Variants in IRF4 observed in about 807,000 individuals in gnomAD.
IRF4 encodes lymphocyte-specific interferon regulatory factor.
In IRF4, 13 loss-of-function variants were observed where a neutral mutation model predicts 55.5. The ratio of observed to expected loss-of-function variants is 0.23; its 90% CI spans 0.15 to 0.37. The LOEUF is 0.37. Ranked by LOEUF, IRF4 falls within the 10% of genes least tolerant of loss-of-function variation. IRF4 has a pLI of 1.00. For missense variants in IRF4, 397 were observed against 593.8 expected, an observed-to-expected ratio of 0.67 and a Z score of 3.44; for synonymous variants, 249 against 240.7, an observed-to-expected ratio of 1.03 and a Z score of -0.32.
chr6:394,778 A>G (rs1312203768), intron 2 of IRF4, 43 bp from the exon 3 acceptor site: 1 of 1,562,354 alleles, frequency 6.4e-7, no homozygotes, highest in African/African-American at 1.4e-5. Context: ...AATAAACCAG[A>G]CATGTATTTT....
rs190275816 is a variant in IRF4, at chr6:410,652, C to T, written c.*3054C>T. 20 of 231,428 alleles carry T rather than the reference C, an allele frequency of 8.6e-5. No individual in the cohort carries two copies. The highest frequency in any genetic ancestry group is 5.5e-4 in the East Asian group (9 of 16,502). 14.3% of individuals were successfully genotyped at this position (231,428 alleles called of 1,614,324 possible). A position where few individuals can be genotyped will look rare whatever the true frequency, so the allele number is the denominator to read the frequency against. ...GCACCTCTTGGCTTTGTTGATGCTC[C>T]GCCAGGAAGGCCACTTGTGTGTGCG... On this transcript the variant is annotated 3_prime_UTR_variant, in exon 9 of 9. Coordinates refer to ENST00000380956, the MANE Select transcript of IRF4 (RefSeq NM_002460.4).
At chr6:394,704 AT>A (rs1761208486) in intron 2 of IRF4, 116 bp from the exon 3 acceptor site, 3 of 938,926 alleles carry the variant, frequency 3.2e-6, no homozygotes, top group Non-Finnish European at 4.8e-6. Flanking sequence ...GCGGTGAGCT[AT>A]CATCGTGCCA....
intron 8 of IRF4, chr6:406,864 A>T (rs1761559929): frequency 9.2e-7 from 1 of 1,087,650 alleles, no homozygotes; most frequent in Non-Finnish European, 1.1e-6. Flanking sequence ...CTGTAAATTC[A>T]GGAAAAGCTG....
chr6:392,069 C>A (rs1474064893), intron 1 of IRF4, among the ~76,000 whole-genome samples: 1 of 152,148 alleles, frequency 6.6e-6, no homozygotes, highest in African/African-American at 2.4e-5. Flanking sequence ...ACGGGGTCGC[C>A]ACAAGCTGGA....
At chr6:402,947 G>A (rs745923157) in intron 7 of IRF4, among the ~76,000 whole-genome samples, 1 of 152,200 alleles carries the variant, frequency 6.6e-6, no homozygotes, top group East Asian at 1.9e-4. Context: ...CACAAGAATC[G>A]CTTGAACCTG....
Position 399,507 on chromosome 6 carries a change from A to AG in IRF4, c.745+572_745+573insG, listed in dbSNP as rs1403349832. 1.6e-4 allele frequency among the ~76,000 whole-genome samples: 25 copies of AG among 151,864 alleles called. 2 individuals are homozygous for AG. The highest frequency in any genetic ancestry group is 1.2e-3 in the Admixed American group (18 of 15,226). ...GATTTTTAAAGTTTTATTTCTAAAAAAAAAAAAAAAATCCCTGCACCATGG... is the reference window on the plus strand; with the variant it reads ...GATTTTTAAAGTTTTATTTCTAAAAAGAAAAAAAAAAATCCCTGCACCATGG... On this transcript the variant is annotated intron_variant, in intron 6 of 8. Transcript: ENST00000380956.
rs751847184 is a variant in IRF4, at chr6:393,420, G to C, written c.216+52G>C. The C allele has an allele frequency of 5.0e-6, 6 of 1,208,504 alleles. No homozygotes were observed. Among genetic ancestry groups the C allele is most frequent in the Non-Finnish European group, 6.6e-6 (6 of 904,084 alleles). The allele number at this position is 1,208,504 out of a possible 1,614,324, so 74.9% of individuals were successfully genotyped here. A position where few individuals can be genotyped will look rare whatever the true frequency, so the allele number is the denominator to read the frequency against. ...GCGCGCCGGGGAGGGCCCAGAGACA[G>C]AGCCCGGGGTCCCCGGCGCCGCCTC... On this transcript the variant is annotated intron_variant, in intron 2 of 8. Transcript: ENST00000380956. This position sits in a 1 kb window ranked among gnomAD's most constrained non-coding sequence, Gnocchi z 5.4.
At position 401,221 on chromosome 6, in the gene IRF4, C is replaced by T. The variant is rs146108990; in HGVS notation, c.746-203C>T. On this transcript the variant is annotated intron_variant, in intron 6 of 8. Transcript: ENST00000380956. ...CCACGGGACTTCTCCAAGTGTTGAC[C>T]GAGCTCATGCTGTCTGTGGATCTCT... is the stretch of plus-strand genomic sequence containing the variant. Among the ~76,000 whole-genome samples, 142 of 152,300 alleles carry T rather than the reference C, an allele frequency of 9.3e-4. 2 individuals carry two copies. Among genetic ancestry groups the T allele is most frequent in the African/African-American group, 3.3e-3 (138 of 41,554 alleles).
Position 407,683 on chromosome 6 carries a change from G to C in IRF4, c.*85G>C, listed in dbSNP as rs1190006751. 3.1e-6 allele frequency: 4 copies of C among 1,270,396 alleles called. No individual in the cohort carries two copies. In the African/African-American group the frequency reaches 4.8e-5, roughly 15 times the overall value. 78.7% of individuals were successfully genotyped at this position (1,270,396 alleles called of 1,614,324 possible). On this transcript the variant is annotated 3_prime_UTR_variant, in exon 9 of 9. Coordinates refer to ENST00000380956, the MANE Select transcript of IRF4 (RefSeq NM_002460.4). ...ATACGGGGTCTTGCTCTGTCTCCCA[G>C]GCTGGAGTGCAGTGACACAATCTCA... is the stretch of plus-strand genomic sequence containing the variant.
chr6:406,389 A>G (rs967700050), intron 8 of IRF4, among the ~76,000 whole-genome samples: 4 of 152,090 alleles, frequency 2.6e-5, no homozygotes, highest in African/African-American at 9.7e-5. Context: ...TAAAAATACA[A>G]AAATTAGCCG....
chr6:397,355 CCTT>C, intron 5 of IRF4, 103 bp downstream of exon 5: 2 of 1,397,678 alleles, frequency 1.4e-6, no homozygotes, highest in Non-Finnish European at 2.0e-6. Flanking sequence ...AGCTCTTTCC[CCTT>C]CTTAGAGGCT....
At chr6:406,282 G>A (rs952869374) in intron 8 of IRF4, among the ~76,000 whole-genome samples, 1 of 152,186 alleles carries the variant, frequency 6.6e-6, no homozygotes, top group Non-Finnish European at 1.5e-5. Flanking sequence ...AGTGGCTCAC[G>A]CCTGTAATCC....
intron 7 of IRF4, 106 bp downstream of exon 7, chr6:401,883 G>A: frequency 1.0e-6 from 1 of 965,362 alleles, no homozygotes; most frequent in South Asian, 1.6e-5. Flanking sequence ...TCTTCCTCCT[G>A]TTGACTTCGG....
At chr6:395,735 G>A (rs1581223052) in intron 3 of IRF4, 112 bp from the exon 4 acceptor site, 5 of 775,556 alleles carry the variant, frequency 6.4e-6, no homozygotes, top group East Asian at 5.4e-5. Context: ...TGTCAACACC[G>A]TGTTATGCAT....
In IRF4 at chr6:394,866, C is replaced by G. The variant is rs144593192; in HGVS notation, c.262C>G (p.Pro88Ala). The G allele has an allele frequency of 7.4e-5, 119 of 1,614,086 alleles. No homozygotes were observed. The highest frequency in any genetic ancestry group is 9.7e-5 in the Non-Finnish European group (115 of 1,180,018). Residue 88 changes from proline (P) to alanine (A), a missense_variant, in exon 3 of 9, where the codon CCG becomes GCG. Physicochemically the swap from Pro to Ala is conservative, Grantham distance 27 (BLOSUM62 -1). Transcript: ENST00000380956. ...KGKFREGIDK[P>A]DPPTWKTRLR... ...AAAGTTCCGAGAAGGCATCGACAAG[C>G]CGGACCCTCCCACCTGGAAGACGCG...
intron 7 of IRF4, among the ~76,000 whole-genome samples, chr6:403,444 C>A (rs996238004): frequency 6.6e-6 from 1 of 152,234 alleles, no homozygotes; most frequent in African/African-American, 2.4e-5. Context: ...AAGGAACTGG[C>A]ACTGGCTTTT....
intron 2 of IRF4, among the ~76,000 whole-genome samples, chr6:394,378 G>T (rs907943665): frequency 1.3e-5 from 2 of 152,206 alleles, no homozygotes; most frequent in African/African-American, 2.4e-5. Flanking sequence ...CATAGCTGGG[G>T]TCTTTCAGTT....
rs1761626979 is a variant in IRF4, at chr6:409,133, A to T, written c.*1535A>T. ...CCTGCTTTTCTAATGGATATTTTAAATTCATTCAACAAGCACCTAGTAAGT... is the reference window on the plus strand; with the variant it reads ...CCTGCTTTTCTAATGGATATTTTAATTTCATTCAACAAGCACCTAGTAAGT... On this transcript the variant is annotated 3_prime_UTR_variant, in exon 9 of 9. Coordinates refer to ENST00000380956, the MANE Select transcript of IRF4 (RefSeq NM_002460.4). The T allele has an allele frequency of 4.7e-6, 1 of 212,560 alleles. No individual in the cohort carries two copies. The highest frequency in any genetic ancestry group is 5.9e-5 in the Admixed American group (1 of 17,032). 13.2% of individuals were successfully genotyped at this position (212,560 alleles called of 1,614,324 possible).
At chr6:401,290 C>T (rs575949653) in intron 6 of IRF4, 134 bp from the exon 7 acceptor site, 373 of 661,158 alleles carry the variant, frequency 5.6e-4, no homozygotes, top group Admixed American at 7.4e-4. Context: ...CTCCTTGACG[C>T]GGGAACCTTT....
Sources: allele counts gnomAD v4.1 joint callset (sites outside exome capture counted in the v4.1 genomes callset), GRCh38; gene constraint gnomAD v4.1.1; non-coding constraint Gnocchi (gnomAD v3.1); transcripts MANE v1.5; gene names NCBI Gene and HGNC (gene_info 2026-07-23, HGNC 2026-07-21).